NUDCD1: variants seen among roughly 807,000 people sequenced by gnomAD.
NUDCD1 encodes nudC domain-containing protein 1.
NUDCD1 carries 60 observed loss-of-function variants against 67.8 expected under a neutral mutation model. That is an observed-to-expected ratio of 0.88 (90% confidence interval 0.72 to 1.10). The LOEUF is 1.10. NUDCD1 is among the 50% of genes least tolerant of loss of function. The pLI, the probability that NUDCD1 is intolerant of heterozygous loss-of-function variation, is 0.00. For missense variants in NUDCD1, 643 were observed against 695.0 expected (o/e 0.93, Z 0.84); for synonymous variants, 244 against 230.8 (o/e 1.06, Z -0.52).
intron 5 of NUDCD1, among the ~76,000 whole-genome samples, chr8:109,287,751 A>C (rs895611600): frequency 1.3e-5 from 2 of 152,158 alleles, no homozygotes; most frequent in Non-Finnish European, 2.9e-5. Context: ...AGGTAAAAGA[A>C]CATTGACATG....
At chr8:109,295,026 T>G (rs1814808883) in intron 3 of NUDCD1, among the ~76,000 whole-genome samples, 1 of 152,086 alleles carries the variant, frequency 6.6e-6, no homozygotes, top group African/African-American at 2.4e-5. Context: ...AAAACATCTC[T>G]GAAGGGAGCT....
intron 2 of NUDCD1, chr8:109,316,105 T>C (rs1815387979): frequency 6.6e-6 from 1 of 152,108 alleles, no homozygotes; most frequent in Non-Finnish European, 1.5e-5. Context: ...CAGAAATAAT[T>C]TCCTAAATAT....
At chr8:109,285,579 A>C (rs74362675) in intron 5 of NUDCD1, among the ~76,000 whole-genome samples, 3,146 of 152,290 alleles carry the variant, frequency 0.021, 107 homozygotes, top group African/African-American at 0.072. Flanking sequence ...TCACCTCAAT[A>C]GATGAAGAAC....
intron 8 of NUDCD1, among the ~76,000 whole-genome samples, chr8:109,265,310 G>A (rs1000219899): frequency 6.6e-6 from 1 of 151,412 alleles, no homozygotes; most frequent in Non-Finnish European, 1.5e-5. Context: ...TTTCCAAATA[G>A]TTTAATAAAA....
At chr8:109,295,778 G>T (rs993428421) in intron 3 of NUDCD1, among the ~76,000 whole-genome samples, 7 of 151,948 alleles carry the variant, frequency 4.6e-5, no homozygotes, top group Admixed American at 4.6e-4. Context: ...TAAATCTTTT[G>T]ATTATCTACT....
chr8:109,296,071 C>T (rs1243718075), intron 3 of NUDCD1, among the ~76,000 whole-genome samples: 1 of 152,078 alleles, frequency 6.6e-6, no homozygotes, highest in African/African-American at 2.4e-5. Flanking sequence ...AGCTTTTGGT[C>T]AACTCTTCTT....
intron 8 of NUDCD1, among the ~76,000 whole-genome samples, chr8:109,260,898 A>G (rs769802081): frequency 6.6e-6 from 1 of 152,238 alleles, no homozygotes; most frequent in Non-Finnish European, 1.5e-5. Context: ...TTTTAAAAGT[A>G]GAGACTGTCT....
chr8:109,305,039 T>C (rs947464134), intron 2 of NUDCD1, among the ~76,000 whole-genome samples: 1 of 152,208 alleles, frequency 6.6e-6, no homozygotes, highest in Non-Finnish European at 1.5e-5. Flanking sequence ...GAATCTCTCA[T>C]TTCCTTTCCA....
chr8:109,300,379 T>G (rs1294886240), intron 2 of NUDCD1, among the ~76,000 whole-genome samples: 1 of 151,996 alleles, frequency 6.6e-6, no homozygotes. Flanking sequence ...AGGGGAAATA[T>G]TCAATGAAAT....
At chr8:109,282,003 C>T (rs1814451922) in intron 5 of NUDCD1, among the ~76,000 whole-genome samples, 1 of 152,186 alleles carries the variant, frequency 6.6e-6, no homozygotes, top group Admixed American at 6.5e-5. Flanking sequence ...CATGCCATCC[C>T]CCGAACCCTG....
At chr8:109,301,479 T>C (rs1055742896) in intron 2 of NUDCD1, among the ~76,000 whole-genome samples, 1 of 152,178 alleles carries the variant, frequency 6.6e-6, no homozygotes, top group Admixed American at 6.5e-5. Flanking sequence ...GTGGTCTCTT[T>C]ACACAGATGC....
At position 109,247,304 on chromosome 8, in the gene NUDCD1, C is replaced by G. The variant is rs566541888; in HGVS notation, c.1300-1823G>C. 8.5e-5 allele frequency among the ~76,000 whole-genome samples: 13 copies of G among 152,232 alleles called. No individual in the cohort carries two copies. In the South Asian group the frequency reaches 2.5e-3, roughly 29 times the overall value. On this transcript the variant is annotated intron_variant, in intron 8 of 9. Transcript: ENST00000239690. Reference sequence around the variant, plus strand: ...ACAAGTTGAAACAATATTTTCACAACAATACATCTACTTTCATGAGCCAAG... The same window carrying G: ...ACAAGTTGAAACAATATTTTCACAAGAATACATCTACTTTCATGAGCCAAG...
At chr8:109,308,020 A>C (rs1034217399) in intron 2 of NUDCD1, among the ~76,000 whole-genome samples, 4 of 152,186 alleles carry the variant, frequency 2.6e-5, no homozygotes, top group African/African-American at 9.7e-5. Flanking sequence ...CAACACAATA[A>C]TAGTGGGGGA....
chr8:109,322,360 A>T lies in NUDCD1; in HGVS notation c.222T>A (p.Ser74Arg). Residue 74 changes from serine to arginine, a missense_variant, in exon 2 of 10, where the codon AGT becomes AGA. By Grantham distance (110) the Ser-to-Arg change is moderately radical (BLOSUM62 -1). Coordinates refer to ENST00000239690, the MANE Select transcript of NUDCD1 (RefSeq NM_032869.4). Reference protein sequence around the residue: ...YLHCDSWYQDSVYYIDTLGRI... With the variant: ...YLHCDSWYQDRVYYIDTLGRI... ...TTCCAAGGGTATCAATATAGTAGAC[A>T]CTGTCTTGATACCATGAATCACAGT... is the stretch of plus-strand genomic sequence containing the variant. 6.3e-7 allele frequency: 1 copy of T among 1,586,120 alleles called. No homozygotes were observed.
chr8:109,249,869 G>A (rs1376446765), intron 8 of NUDCD1, among the ~76,000 whole-genome samples: 4 of 132,116 alleles, frequency 3.0e-5, no homozygotes, highest in African/African-American at 5.7e-5. Flanking sequence ...TTTTTGAGAT[G>A]GGGTCTCACT....
chr8:109,331,325 G>A (rs1272700024), intron 1 of NUDCD1, among the ~76,000 whole-genome samples: 1 of 151,248 alleles, frequency 6.6e-6, no homozygotes, highest in African/African-American at 2.4e-5. Flanking sequence ...CAGAGACTCC[G>A]TCTCAAAAAA....
chr8:109,329,769 T>C (rs1170961977), intron 1 of NUDCD1: 2 of 1,531,434 alleles, frequency 1.3e-6, no homozygotes, highest in Non-Finnish European at 1.8e-6. Flanking sequence ...TTCATAAAGC[T>C]GTTTAATTTG....
In NUDCD1 at chr8:109,317,511, C is replaced by T. The variant is rs550545155; in HGVS notation, c.273+4798G>A. On this transcript the variant is annotated intron_variant, in intron 2 of 9. Coordinates refer to ENST00000239690, the MANE Select transcript of NUDCD1 (RefSeq NM_032869.4). ...TGGATAATAATAGTATCTGGTATAT[C>T]AGGATAATATCAGGATATTATCCTA... Among the ~76,000 whole-genome samples, 5 of 152,250 alleles carry T rather than the reference C, an allele frequency of 3.3e-5. No homozygotes were observed. The East Asian group carries it at 9.6e-4, about 29-fold the overall frequency.
chr8:109,304,209 G>A (rs1815053907), intron 2 of NUDCD1, among the ~76,000 whole-genome samples: 1 of 152,096 alleles, frequency 6.6e-6, no homozygotes. Flanking sequence ...ACAAGAGCCG[G>A]GACCGTGCTG....
Sources: gnomAD v4.1 joint callset for allele counts (sites outside exome capture counted in the v4.1 genomes callset) on GRCh38, gnomAD v4.1.1 for gene constraint, MANE v1.5 for transcripts, NCBI Gene and HGNC (gene_info 2026-07-23, HGNC 2026-07-21) for gene names.